MAST2: variants seen among roughly 807,000 people sequenced by gnomAD.
MAST2 encodes microtubule associated serine/threonine kinase 2, also known as microtubule-associated serine/threonine-protein kinase 2.
A neutral mutation model predicts 147.4 loss-of-function variants in MAST2; 70 were observed. The ratio of observed to expected loss-of-function variants is 0.47; its 90% CI spans 0.39 to 0.58. The LOEUF is 0.58. Among genes scored for constraint, MAST2 ranks in the 20% least tolerant of loss-of-function variants. The pLI is 0.00. For synonymous variants in MAST2, 869 were observed against 896.8 expected, an observed-to-expected ratio of 0.97 and a Z score of 0.55; for missense variants, 2,080 against 2,302.3, an observed-to-expected ratio of 0.90 and a Z score of 1.98.
Position 45,986,375 on chromosome 1 carries a change from C to T in MAST2, c.593-11349C>T, listed in dbSNP as rs1644616295. On this transcript the variant is annotated intron_variant, in intron 5 of 28. Coordinates refer to ENST00000361297, the MANE Select transcript of MAST2 (RefSeq NM_015112.3). ...AGCCAACTAGAATTCCTGAGATAAA[C>T]GTTACTTGGTCATGATGTATTTGCT... Among the ~76,000 whole-genome samples, 3 of 152,010 alleles carry T rather than the reference C, an allele frequency of 2.0e-5. No homozygotes were observed. In the South Asian group the frequency reaches 6.2e-4, roughly 32 times the overall value.
intron 5 of MAST2, among the ~76,000 whole-genome samples, chr1:45,979,434 T>G (rs368265049): frequency 0.038 from 5,649 of 150,336 alleles, 133 homozygotes; most frequent in Non-Finnish European, 0.052. Context: ...TTTTTGTTTT[T>G]TTTTTTTTTT....
chr1:46,021,496 T>C (rs946526), intron 11 of MAST2, among the ~76,000 whole-genome samples: 148,540 of 152,352 alleles, frequency 0.97, 72,432 homozygotes, highest in East Asian at 1. Context: ...TTCAATGGAT[T>C]TCCAGCCTCT....
intron 3 of MAST2, among the ~76,000 whole-genome samples, chr1:45,835,415 G>C (rs767374416): frequency 4.6e-5 from 7 of 152,094 alleles, no homozygotes; most frequent in Non-Finnish European, 8.8e-5. Flanking sequence ...TTCAAGTCAT[G>C]ATTACCAATA....
At position 45,911,515 on chromosome 1, in the gene MAST2, G is replaced by A. The variant is rs113003316; in HGVS notation, c.500+29120G>A. 3.7e-3 allele frequency among the ~76,000 whole-genome samples: 560 copies of A among 152,144 alleles called. 3 individuals are homozygous for A. Among genetic ancestry groups the A allele is most frequent in the African/African-American group, 0.013 (532 of 41,508 alleles). On this transcript the variant is annotated intron_variant, in intron 4 of 28. Coordinates refer to ENST00000361297, the MANE Select transcript of MAST2 (RefSeq NM_015112.3). ...AGAAATTTCTACTGAAAGGTAAAGC[G>A]CAGTGATTTATAGCATTGGAAACTT...
intron 2 of MAST2, among the ~76,000 whole-genome samples, 179 bp downstream of exon 2, chr1:45,824,759 C>T (rs1644739293): frequency 6.6e-6 from 1 of 152,218 alleles, no homozygotes; most frequent in South Asian, 2.1e-4. Context: ...TGATTGCTAA[C>T]CTGTAGGACC....
chr1:45,846,846 A>G (rs1324067000), intron 3 of MAST2: 1 of 175,416 alleles, frequency 5.7e-6, no homozygotes, highest in Non-Finnish European at 1.2e-5. Flanking sequence ...AAAATTAATA[A>G]CACCATTTTT....
chr1:45,936,534 T>C (rs1403209935), intron 4 of MAST2, among the ~76,000 whole-genome samples: 2 of 152,166 alleles, frequency 1.3e-5, no homozygotes, highest in African/African-American at 4.8e-5. Context: ...TATGTTCCTT[T>C]GATGCTTAGT....
chr1:45,895,677 CA>C (rs990706174), intron 4 of MAST2, among the ~76,000 whole-genome samples: 5 of 151,858 alleles, frequency 3.3e-5, no homozygotes, highest in African/African-American at 9.7e-5. Flanking sequence ...AAAGTAAAAA[CA>C]AAAAATCATG....
intron 4 of MAST2, among the ~76,000 whole-genome samples, chr1:45,886,058 G>A (rs984209169): frequency 6.6e-6 from 1 of 151,874 alleles, no homozygotes; most frequent in Admixed American, 6.6e-5. Flanking sequence ...GAGTTCAGGA[G>A]TTTGAGAACA....
chr1:45,949,196 G>A (rs1018685269), intron 4 of MAST2, among the ~76,000 whole-genome samples: 1 of 152,062 alleles, frequency 6.6e-6, no homozygotes, highest in South Asian at 2.1e-4. Context: ...GACACCAAAA[G>A]CGATTGCAAC....
At position 46,029,549 on chromosome 1, in the gene MAST2, C is replaced by T. The variant is rs767399829; in HGVS notation, c.2302C>T (p.Leu768=). The change falls in exon 19 of 29, where the codon CTG becomes TTG. Residue 768 remains leucine, a synonymous_variant. Coordinates refer to ENST00000361297, the MANE Select transcript of MAST2 (RefSeq NM_015112.3). ...LTSKLLHQNP[L]ERLGTGSAYE... is the part of the protein sequence containing the mutation. ...CTCCAAACTGCTCCACCAGAACCCT[C>T]TGGAGAGACTTGGCACAGGTAGGGC... The T allele has an allele frequency of 1.2e-6, 2 of 1,614,078 alleles. No homozygotes were observed. The highest frequency in any genetic ancestry group is 1.1e-5 in the South Asian group (1 of 91,074).
intron 4 of MAST2, among the ~76,000 whole-genome samples, chr1:45,887,127 G>A (rs1054576274): frequency 2.1e-4 from 32 of 152,120 alleles, no homozygotes; most frequent in Admixed American, 9.8e-4. Flanking sequence ...AATGCCTGGC[G>A]ACTGTTTATT....
intron 3 of MAST2, among the ~76,000 whole-genome samples, chr1:45,865,792 C>T (rs1646128429): frequency 6.6e-6 from 1 of 152,090 alleles, no homozygotes; most frequent in Non-Finnish European, 1.5e-5. Flanking sequence ...AGAATACATG[C>T]CAAATTTGAT....
chr1:46,020,170 G>T (rs1646126459), intron 11 of MAST2, among the ~76,000 whole-genome samples: 2 of 152,182 alleles, frequency 1.3e-5, no homozygotes, highest in Non-Finnish European at 2.9e-5. Flanking sequence ...TTACAATACT[G>T]CAAGAAGTGT....
At chr1:45,851,776 A>T (rs1645630480) in intron 3 of MAST2, among the ~76,000 whole-genome samples, 1 of 151,964 alleles carries the variant, frequency 6.6e-6, no homozygotes, top group African/African-American at 2.4e-5. Context: ...ACTTGAAATG[A>T]ATTACCTGAG....
Position 45,920,621 on chromosome 1 carries a change from A to T in MAST2, c.500+38226A>T, listed in dbSNP as rs371185446. Among the ~76,000 whole-genome samples the T allele has an allele frequency of 1.3e-4, 20 of 152,286 alleles. No homozygotes were observed. The East Asian group carries it at 3.9e-3, about 29-fold the overall frequency. On this transcript the variant is annotated intron_variant, in intron 4 of 28. Transcript: ENST00000361297. ...TGTCATTAGTTGTTCTTATTGCTTT[A>T]TGAGATTATTGGTTGACTGATTCAC... is the stretch of plus-strand genomic sequence containing the variant.
In MAST2 at chr1:46,035,548, C is replaced by T; in HGVS notation, c.4879C>T (p.Leu1627=). ...WKAQHLHTQA[L]TALSPSTSGL... ...GGCCCAGCACCTCCACACCCAGGCA[C>T]TAACAGCACTTTCTCCCAGCACTTC... is the stretch of plus-strand genomic sequence containing the variant. Residue 1627 remains leucine (L), a synonymous_variant, in exon 29 of 29, where the codon CTA becomes TTA. Transcript: ENST00000361297. The surrounding 1 kb of genome is among the most constrained non-coding windows in gnomAD (Gnocchi z 5.5). 1 of 1,613,568 alleles carries T rather than the reference C, an allele frequency of 6.2e-7. No homozygotes were observed. Among genetic ancestry groups the T allele is most frequent in the Non-Finnish European group, 8.5e-7 (1 of 1,180,004 alleles).
intron 16 of MAST2, among the ~76,000 whole-genome samples, chr1:46,027,454 C>T (rs1230819128): frequency 6.6e-6 from 1 of 152,184 alleles, no homozygotes; most frequent in Non-Finnish European, 1.5e-5. Flanking sequence ...AACTGAATGA[C>T]TCCTGCCCCC....
At chr1:45,879,095 T>C (rs1270352423) in intron 3 of MAST2, among the ~76,000 whole-genome samples, 1 of 151,926 alleles carries the variant, frequency 6.6e-6, no homozygotes, top group Admixed American at 6.6e-5. Flanking sequence ...GTGTGGTGCT[T>C]GCATAGGGCA....
Sources: allele counts gnomAD v4.1 joint callset (sites outside exome capture counted in the v4.1 genomes callset), GRCh38; gene constraint gnomAD v4.1.1; non-coding constraint Gnocchi (gnomAD v3.1); transcripts MANE v1.5; gene names NCBI Gene and HGNC (gene_info 2026-07-23, HGNC 2026-07-21).